Variants in DRAXIN observed in about 807,000 individuals in gnomAD.
DRAXIN encodes the protein dorsal inhibitory axon guidance protein.
A neutral mutation model predicts 33.9 loss-of-function variants in DRAXIN; 27 were observed. The observed-to-expected ratio is 0.80, with a 90% CI of 0.59 to 1.10. The LOEUF (loss-of-function observed/expected upper bound fraction) is 1.10. Among genes scored for constraint, DRAXIN ranks in the 50% least tolerant of loss-of-function variants. The pLI is 0.00. For synonymous variants in DRAXIN, 178 were observed against 194.0 expected, an observed-to-expected ratio of 0.92 and a Z score of 0.69; for missense variants, 371 against 460.8, an observed-to-expected ratio of 0.81 and a Z score of 1.78.
rs934797594 is a variant in DRAXIN at position 11,693,210 on chromosome 1, C to CT, written c.-11+1364dup. ...TAAAACAATCAGGGCCAATGGGTCA[C>CT]TTTTTTTCAAAATGAGATCAGTGTG... On this transcript the variant is annotated intron_variant, in intron 1 of 6. Transcript: ENST00000294485. 7.0e-4 allele frequency among the ~76,000 whole-genome samples: 106 copies of CT among 152,016 alleles called. 1 individual carries two copies. Among genetic ancestry groups the CT allele is most frequent in the Non-Finnish European group, 2.9e-4 (20 of 68,022 alleles).
Position 11,719,857 on chromosome 1 carries a change from C to T in DRAXIN, c.*161C>T, listed in dbSNP as rs1641635900. On this transcript the variant is annotated 3_prime_UTR_variant, in exon 7 of 7. Transcript: ENST00000294485. The stretch of plus-strand genomic sequence containing the variant: ...GGAGGGGAGCCGCTCGGCGAATGAG[C>T]TGGGTGGGTGCCCAGGAGCCGGCCC... 1.5e-6 allele frequency: 1 copy of T among 680,298 alleles called. No individual in the cohort carries two copies. The highest frequency in any genetic ancestry group is 2.5e-6 in the Non-Finnish European group (1 of 394,784). 42.1% of individuals were successfully genotyped at this position (680,298 alleles called of 1,614,324 possible). A position where few individuals can be genotyped will look rare whatever the true frequency, so the allele number is the denominator to read the frequency against.
intron 6 of DRAXIN, among the ~76,000 whole-genome samples, chr1:11,718,991 C>T (rs1391014823): frequency 6.6e-6 from 1 of 152,204 alleles, no homozygotes; most frequent in Non-Finnish European, 1.5e-5. Flanking sequence ...AGCTCCACCT[C>T]CCGGGTTCAT....
chr1:11,689,402 G>A (rs188399814), upstream of DRAXIN, among the ~76,000 whole-genome samples: 9 of 151,602 alleles, frequency 5.9e-5, no homozygotes, highest in East Asian at 3.9e-4. Flanking sequence ...GTTCAAGACC[G>A]GCCTGGCCAA....
upstream of DRAXIN, among the ~76,000 whole-genome samples, chr1:11,687,869 T>A (rs184758345): frequency 6.6e-6 from 1 of 152,208 alleles, no homozygotes; most frequent in African/African-American, 2.4e-5. This position sits in a 1 kb window ranked among gnomAD's most constrained non-coding sequence, Gnocchi z 4.1. Flanking sequence ...CAGTCATCAG[T>A]TGATGAATAT....
Position 11,692,896 on chromosome 1 carries a change from G to A in DRAXIN, c.-11+1043G>A, listed in dbSNP as rs1179547667. ...CTAGTCCCTACCTATAGGGATGTGT[G>A]TGGAAATTGTGGGGTGCCGCTTGGT... On this transcript the variant is annotated intron_variant, in intron 1 of 6. Transcript: ENST00000294485. This position sits in a 1 kb window ranked among gnomAD's most constrained non-coding sequence, Gnocchi z 5.8. Among the ~76,000 whole-genome samples the A allele has an allele frequency of 1.3e-5, 2 of 151,878 alleles. No homozygotes were observed. Among genetic ancestry groups the A allele is most frequent in the Non-Finnish European group, 2.9e-5 (2 of 67,990 alleles).
intron 6 of DRAXIN, among the ~76,000 whole-genome samples, chr1:11,719,291 G>A (rs924798723): frequency 2.0e-5 from 3 of 152,176 alleles, no homozygotes; most frequent in Non-Finnish European, 4.4e-5. Flanking sequence ...TTCACTGTGC[G>A]GTGCATTCTG....
intron 1 of DRAXIN, among the ~76,000 whole-genome samples, chr1:11,695,699 CCAAA>C (rs1221785834): frequency 1.3e-5 from 2 of 151,726 alleles, no homozygotes; most frequent in African/African-American, 2.4e-5. Flanking sequence ...TAGATGATAC[CCAAA>C]CAAACACAGA....
Position 11,723,238 on chromosome 1 carries a change from G to A in DRAXIN, c.*3542G>A, listed in dbSNP as rs7415462. 74,207 of 152,072 alleles carry A rather than the reference G, an allele frequency of 0.49. 18,752 individuals carry two copies. The highest frequency in any genetic ancestry group is 0.57 in the Non-Finnish European group (38,788 of 67,968). The allele number at this position is 152,072 out of a possible 1,614,324, so 9.4% of individuals were successfully genotyped here. On this transcript the variant is annotated 3_prime_UTR_variant, in exon 7 of 7. Transcript: ENST00000294485. ...GGGGCAGATTTGGCCTGAGGGTCAC[G>A]GTTTGCCAACCCCTGCTCAAGCCTG...
At position 11,705,954 on chromosome 1, in the gene DRAXIN, A is replaced by G. The variant is rs950693344; in HGVS notation, c.-10-295A>G. Among the ~76,000 whole-genome samples the G allele has an allele frequency of 6.6e-6, 1 of 152,058 alleles. No individual in the cohort carries two copies. Among genetic ancestry groups the G allele is most frequent in the Non-Finnish European group, 1.5e-5 (1 of 67,994 alleles). ...ACTTGAATGCTGCTGAAATGATTTAAGCCGGGGGTTCTCAGCCTCGGTACT... is the reference window on the plus strand; with the variant it reads ...ACTTGAATGCTGCTGAAATGATTTAGGCCGGGGGTTCTCAGCCTCGGTACT... On this transcript the variant is annotated intron_variant, in intron 1 of 6. Transcript: ENST00000294485. The surrounding 1 kb of genome is among the most constrained non-coding windows in gnomAD (Gnocchi z 4.8).
intron 6 of DRAXIN, among the ~76,000 whole-genome samples, chr1:11,718,953 T>G (rs767737087): frequency 6.6e-6 from 1 of 152,122 alleles, no homozygotes; most frequent in Non-Finnish European, 1.5e-5. Context: ...CCAGCTGGAG[T>G]GCAGTGGCAT....
At chr1:11,693,979 CCCT>C (rs759621729) in intron 1 of DRAXIN, among the ~76,000 whole-genome samples, 2 of 152,164 alleles carry the variant, frequency 1.3e-5, no homozygotes, top group Non-Finnish European at 2.9e-5. Context: ...CCACAGTCTG[CCCT>C]CCTCTGAGCT....
intron 1 of DRAXIN, among the ~76,000 whole-genome samples, chr1:11,697,032 T>C (rs535308220): frequency 2.6e-5 from 3 of 114,524 alleles, no homozygotes; most frequent in Non-Finnish European, 5.1e-5. Flanking sequence ...CGAGATTCCA[T>C]CTTAATAATT....
rs1230056674 is a variant in DRAXIN at position 11,719,718 on chromosome 1, T to G, written c.*22T>G. ...CTAGCGGCCCCGCGGGACTGGGGAC[T>G]GAGCCCAGGAGGTTTGCACAAGCCG... On this transcript the variant is annotated 3_prime_UTR_variant, in exon 7 of 7. Transcript: ENST00000294485. The G allele has an allele frequency of 6.2e-7, 1 of 1,604,486 alleles. No homozygotes were observed. Among genetic ancestry groups the G allele is most frequent in the East Asian group, 2.2e-5 (1 of 44,750 alleles).
At chr1:11,689,316 G>T (rs1278728915), upstream of DRAXIN, among the ~76,000 whole-genome samples, 6 of 109,578 alleles carry the variant, frequency 5.5e-5, no homozygotes, top group East Asian at 2.5e-4. Context: ...AAAAAAAAAA[G>T]GCTGGGTGCT....
intron 5 of DRAXIN, among the ~76,000 whole-genome samples, chr1:11,713,687 A>C (rs555012723): frequency 6.6e-6 from 1 of 152,006 alleles, no homozygotes; most frequent in Non-Finnish European, 1.5e-5. Context: ...CCAGGAGTTC[A>C]GGACCAGCCT....
chr1:11,686,817 A>AAC (rs1640965268), upstream of DRAXIN, among the ~76,000 whole-genome samples: 1 of 151,786 alleles, frequency 6.6e-6, no homozygotes, highest in Admixed American at 6.6e-5. Context: ...TAAAAAAAAA[A>AAC]AAAAAAAAAA....
At chr1:11,688,275 C>T (rs903646999), upstream of DRAXIN, among the ~76,000 whole-genome samples, 1 of 152,104 alleles carries the variant, frequency 6.6e-6, no homozygotes, top group African/African-American at 2.4e-5. This position sits in a 1 kb window ranked among gnomAD's most constrained non-coding sequence, Gnocchi z 4.6. Context: ...AATCAGCACA[C>T]GTGGCCGGGC....
intron 6 of DRAXIN, among the ~76,000 whole-genome samples, chr1:11,716,235 G>A (rs114897433): frequency 0.016 from 2,421 of 152,228 alleles, 61 homozygotes; most frequent in African/African-American, 0.055. Flanking sequence ...TCTAATGAGC[G>A]CCCATTTCTC....
chr1:11,710,692 A>G (rs1369518164), intron 3 of DRAXIN, among the ~76,000 whole-genome samples: 1 of 150,070 alleles, frequency 6.7e-6, no homozygotes, highest in African/African-American at 2.5e-5. Flanking sequence ...AGGCGGGCAG[A>G]TCACAAGGTC....
Sources: allele counts gnomAD v4.1 joint callset (sites outside exome capture counted in the v4.1 genomes callset), GRCh38; gene constraint gnomAD v4.1.1; non-coding constraint Gnocchi (gnomAD v3.1); transcripts MANE v1.5; gene names NCBI Gene and HGNC (gene_info 2026-07-23, HGNC 2026-07-21).